Variants in NELL2 observed in about 807,000 individuals in gnomAD.
NELL2 encodes the protein protein kinase C-binding protein NELL2.
Under a neutral mutation model 109.6 loss-of-function variants are expected in NELL2, and 41 were observed. The observed-to-expected ratio is 0.37, with a 90% CI of 0.29 to 0.49. The LOEUF is 0.49. Ranked by LOEUF, NELL2 falls within the 20% of genes least tolerant of loss-of-function variation. The pLI is 0.98. For missense variants in NELL2, 900 were observed against 1,008.3 expected (o/e 0.89, Z 1.45); for synonymous variants, 355 against 344.7 (o/e 1.03, Z -0.33).
chr12:44,527,262 T>C (rs966269901), intron 16 of NELL2, among the ~76,000 whole-genome samples: 3 of 152,236 alleles, frequency 2.0e-5, no homozygotes, highest in Non-Finnish European at 2.9e-5. Context: ...ACTTAAAGAT[T>C]GTCCAGAAAC....
intron 1 of NELL2, among the ~76,000 whole-genome samples, chr12:44,885,279 A>C (rs1945457779): frequency 6.6e-6 from 1 of 151,970 alleles, no homozygotes. Context: ...ATTATGTTTC[A>C]GAAAAAAAAA....
chr12:44,551,194 T>C (rs1287912629), intron 15 of NELL2, among the ~76,000 whole-genome samples: 2 of 152,182 alleles, frequency 1.3e-5, no homozygotes, highest in African/African-American at 4.8e-5. Context: ...CTCAATGAAG[T>C]GGTTTAAAAA....
chr12:44,523,735 T>C (rs1254753906), intron 16 of NELL2: 7 of 501,540 alleles, frequency 1.4e-5, no homozygotes, highest in Non-Finnish European at 2.5e-5. Context: ...TATATCTCTG[T>C]AAATAACATT....
In NELL2 at chr12:44,683,357, G is replaced by A. The variant is rs139731806; in HGVS notation, c.1319-17748C>T. Among the ~76,000 whole-genome samples the A allele has an allele frequency of 8.9e-4, 129 of 144,288 alleles. 7 individuals carry two copies. Among genetic ancestry groups the A allele is most frequent in the Middle Eastern group, 6.9e-3 (2 of 290 alleles). 94.7% of individuals were successfully genotyped at this position (144,288 alleles called of 152,430 possible). On this transcript the variant is annotated intron_variant, in intron 12 of 19. Transcript: ENST00000429094. ...GGTTTTCTAGATATACTATCATGTCGTCTGCAAACAGGGACAATTTGACTT... is the reference window on the plus strand; with the variant it reads ...GGTTTTCTAGATATACTATCATGTCATCTGCAAACAGGGACAATTTGACTT...
At chr12:44,765,767 C>G (rs1941305235) in intron 9 of NELL2, among the ~76,000 whole-genome samples, 1 of 152,100 alleles carries the variant, frequency 6.6e-6, no homozygotes, top group Admixed American at 6.6e-5. Flanking sequence ...AATTGGGGGC[C>G]AGGTTTTGCA....
At chr12:44,580,880 T>C (rs7975163) in intron 15 of NELL2, among the ~76,000 whole-genome samples, 5,297 of 152,272 alleles carry the variant, frequency 0.035, 330 homozygotes, top group African/African-American at 0.12. Context: ...TCAAATGCAG[T>C]TGGAAGGATA....
At chr12:44,593,054 C>T (rs1944817325) in intron 15 of NELL2, among the ~76,000 whole-genome samples, 1 of 152,106 alleles carries the variant, frequency 6.6e-6, no homozygotes, top group African/African-American at 2.4e-5. Context: ...ATGAGTCTGT[C>T]AGGCATAGGT....
At chr12:44,791,111 ATATATATATG>A (rs55982324) in intron 3 of NELL2, among the ~76,000 whole-genome samples, 30,945 of 52,346 alleles carry the variant, frequency 0.59, 9,896 homozygotes, top group Middle Eastern at 0.74. Context: ...ATATATATGT[ATATATATATG>A]TATATATATA....
At chr12:44,870,021 G>C (rs1265256246) in intron 2 of NELL2, among the ~76,000 whole-genome samples, 3 of 152,056 alleles carry the variant, frequency 2.0e-5, no homozygotes, top group Non-Finnish European at 1.5e-5. Flanking sequence ...TTGTTTACAA[G>C]TTTTGCTTTC....
chr12:44,832,511 C>T (rs1384902416), intron 2 of NELL2, among the ~76,000 whole-genome samples: 1 of 152,170 alleles, frequency 6.6e-6, no homozygotes, highest in Non-Finnish European at 1.5e-5. Context: ...GATCTGCATG[C>T]AGAAAACAAT....
At chr12:44,774,223 G>C (rs1941661827) in intron 9 of NELL2, among the ~76,000 whole-genome samples, 2 of 152,178 alleles carry the variant, frequency 1.3e-5, no homozygotes, top group Non-Finnish European at 2.9e-5. Context: ...GCTATATAAT[G>C]ACTGCTAAAA....
intron 2 of NELL2, among the ~76,000 whole-genome samples, chr12:44,848,319 C>T (rs1166477966): frequency 6.6e-6 from 1 of 152,098 alleles, no homozygotes; most frequent in Non-Finnish European, 1.5e-5. Flanking sequence ...TATGAGTTAG[C>T]ACCAGACTCC....
intron 3 of NELL2, among the ~76,000 whole-genome samples, chr12:44,815,180 C>T (rs1943301121): frequency 6.6e-6 from 1 of 152,004 alleles, no homozygotes; most frequent in Non-Finnish European, 1.5e-5. Flanking sequence ...TGACTTTCTT[C>T]TTCTTCCTCC....
At chr12:44,813,045 T>C (rs1291128603) in intron 3 of NELL2, among the ~76,000 whole-genome samples, 2 of 152,204 alleles carry the variant, frequency 1.3e-5, no homozygotes, top group Admixed American at 6.5e-5. Flanking sequence ...TGAATTTTTA[T>C]AGCTAGTATT....
chr12:44,705,804 A>T (rs757782106), intron 11 of NELL2, among the ~76,000 whole-genome samples: 3 of 152,232 alleles, frequency 2.0e-5, no homozygotes, highest in Non-Finnish European at 4.4e-5. Context: ...CACAGTGCTA[A>T]ATTTCTGCAT....
rs370260808 is a variant in NELL2, at chr12:44,584,743, A to AC, written c.1663+22425dup. On this transcript the variant is annotated intron_variant, in intron 15 of 19. Coordinates refer to ENST00000429094, the MANE Select transcript of NELL2 (RefSeq NM_001145108.2). ...CATGTTGCTATAAATTCTGTGGACA[A>AC]CTGCTGTTACTTCAGTTACGAAGCA... Among the ~76,000 whole-genome samples, 1,356 of 152,282 alleles carry AC rather than the reference A, an allele frequency of 8.9e-3. 15 individuals are homozygous for AC. The highest frequency in any genetic ancestry group is 0.031 in the African/African-American group (1,276 of 41,548).
At chr12:44,566,566 C>CACACACACACACACACACACACACAGAG (rs377368706) in intron 15 of NELL2, among the ~76,000 whole-genome samples, 3 of 138,422 alleles carry the variant, frequency 2.2e-5, no homozygotes, top group African/African-American at 7.8e-5. Context: ...CACACACACA[C>CACACACACACACACACACACACACAGAG]AGAGTTTTAT....
Position 44,811,499 on chromosome 12 carries a change from C to T in NELL2, c.335+4487G>A, listed in dbSNP as rs78960346. Among the ~76,000 whole-genome samples the T allele has an allele frequency of 1.7e-3, 264 of 151,936 alleles. 3 individuals carry two copies. Among genetic ancestry groups the T allele is most frequent in the African/African-American group, 5.9e-3 (246 of 41,446 alleles). On this transcript the variant is annotated intron_variant, in intron 3 of 19. Coordinates refer to ENST00000429094, the MANE Select transcript of NELL2 (RefSeq NM_001145108.2). ...GAGATATAAGCGCAGTTCTGAAGTA[C>T]GTGCCGGATTTGAACAAGCAGAGAA...
chr12:44,881,590 C>A (rs889590547), intron 1 of NELL2, among the ~76,000 whole-genome samples: 1 of 151,904 alleles, frequency 6.6e-6, no homozygotes, highest in African/African-American at 2.4e-5. Flanking sequence ...ATTACCCAAT[C>A]TGAACAAAAG....
Sources: gnomAD v4.1 joint callset for allele counts (sites outside exome capture counted in the v4.1 genomes callset) on GRCh38, gnomAD v4.1.1 for gene constraint, MANE v1.5 for transcripts, NCBI Gene and HGNC (gene_info 2026-07-23, HGNC 2026-07-21) for gene names.